PC: variants seen among roughly 807,000 people sequenced by gnomAD.
The protein encoded by PC is pyruvate carboxylase, mitochondrial.
PC carries 46 observed loss-of-function variants against 107.8 expected under a neutral mutation model. The observed-to-expected ratio is 0.43, with a 90% CI of 0.34 to 0.55. PC has a LOEUF of 0.55. PC is among the 20% of genes least tolerant of loss of function. The pLI, the probability that PC is intolerant of heterozygous loss-of-function variation, is 0.04. For synonymous variants in PC, 662 were observed against 684.7 expected, an observed-to-expected ratio of 0.97 and a Z score of 0.52; for missense variants, 1,241 against 1,643.1, an observed-to-expected ratio of 0.76 and a Z score of 4.23.
At chr11:66,936,116 C>T (rs930076468) in intron 3 of PC, among the ~76,000 whole-genome samples, 3 of 149,546 alleles carry the variant, frequency 2.0e-5, no homozygotes, top group African/African-American at 7.4e-5. Context: ...GGTGTGGTGG[C>T]ACATGCCTGT....
chr11:66,939,804 CAAAAAAAAAAAA>C (rs56761659), intron 3 of PC, among the ~76,000 whole-genome samples: 1 of 40,162 alleles, frequency 2.5e-5, no homozygotes, highest in Non-Finnish European at 4.2e-5. Context: ...AACTCCGTCT[CAAAAAAAAAAAA>C]AAAAAAAAAA....
At chr11:66,955,957 G>A (rs1388578885) in intron 1 of PC, among the ~76,000 whole-genome samples, 1 of 152,066 alleles carries the variant, frequency 6.6e-6, no homozygotes, top group Non-Finnish European at 1.5e-5. Context: ...ATTTTTAGCA[G>A]AGAAGGGGTT....
In PC at chr11:66,871,667, A is replaced by T. The variant is rs773157967; in HGVS notation, c.321+20T>A. 3.8e-5 allele frequency: 59 copies of T among 1,563,136 alleles called. No individual in the cohort carries two copies. The highest frequency in any genetic ancestry group is 5.1e-5 in the Non-Finnish European group (59 of 1,153,836). On this transcript the variant is annotated intron_variant, in intron 5 of 22. Coordinates refer to ENST00000393960, the MANE Select transcript of PC (RefSeq NM_001040716.2). The surrounding 1 kb of genome is among the most constrained non-coding windows in gnomAD (Gnocchi z 7.4). Reference sequence around the variant, plus strand: ...TCCCTGGTCCCTGCTGTCCAGGCCCAGCCAGGCCACTGGGCTCACCTTGGC... The same window carrying T: ...TCCCTGGTCCCTGCTGTCCAGGCCCTGCCAGGCCACTGGGCTCACCTTGGC...
chr11:66,848,471 G>C lies in PC; in HGVS notation c.*428C>G. On this transcript the variant is annotated 3_prime_UTR_variant, in exon 23 of 23. Transcript: ENST00000393960. ...CCACCCATGGGGAGCTTGAAAGGCA[G>C]CCCCCCACTGCTGAGTGGTGCAGGC... is the stretch of plus-strand genomic sequence containing the variant. 2 of 540,730 alleles carry C rather than the reference G, an allele frequency of 3.7e-6. No individual in the cohort carries two copies. The highest frequency in any genetic ancestry group is 5.8e-5 in the South Asian group (2 of 34,270). The allele number at this position is 540,730 out of a possible 1,614,324, so 33.5% of individuals were successfully genotyped here.
Position 66,863,779 on chromosome 11 carries a change from C to T in PC, c.1363G>A (p.Val455Met). The T allele has an allele frequency of 3.1e-6, 5 of 1,609,422 alleles. No homozygotes were observed. The highest frequency in any genetic ancestry group is 4.2e-6 in the Non-Finnish European group (5 of 1,178,156). Residue 455 changes from valine (V) to methionine (M), a missense_variant, in exon 12 of 23, where the codon GTG becomes ATG. Around this residue, in one of 2 missense-constraint regions of PC, gnomAD observed 1,143 missense variants for 1,551.9 expected, o/e 0.74. Coordinates refer to ENST00000393960, the MANE Select transcript of PC (RefSeq NM_001040716.2). The stretch of plus-strand genomic sequence containing the variant: ...CGGGGGCTGCAGCCTCTCACCTTCA[C>T]ACCTCGGACGCGGAACTCCGCAAGG... ...RALAEFRVRGVKTNIAFLQNV... is the reference protein window; with the variant it reads ...RALAEFRVRGMKTNIAFLQNV...
At chr11:66,903,148 C>T (rs185215407) in intron 3 of PC, among the ~76,000 whole-genome samples, 6 of 152,302 alleles carry the variant, frequency 3.9e-5, no homozygotes, top group Non-Finnish European at 8.8e-5. Context: ...GAGTCGGGGA[C>T]CTGCGGTGGT....
intron 3 of PC, among the ~76,000 whole-genome samples, chr11:66,939,811 A>G (rs1949082044): frequency 6.7e-6 from 1 of 150,030 alleles, no homozygotes; most frequent in Non-Finnish European, 1.5e-5. Context: ...TCTCAAAAAA[A>G]AAAAAAAAAA....
At position 66,871,157 on chromosome 11, in the gene PC, G is replaced by A. The variant is rs762499593; in HGVS notation, c.528C>T (p.Ser176=). ...VVPGTDAPIT[S]LHEAHEFSNT... ...TGGAGAACTCGTGGGCCTCATGCAG[G>A]GACGTGATGGGGGCATCTGTGCCAG... The change falls in exon 7 of 23, where the codon TCC becomes TCT. Residue 176 remains serine (S), a synonymous_variant. Transcript: ENST00000393960. This position sits in a 1 kb window ranked among gnomAD's most constrained non-coding sequence, Gnocchi z 7.4. The A allele has an allele frequency of 1.2e-6, 2 of 1,613,792 alleles. No individual in the cohort carries two copies. Among genetic ancestry groups the A allele is most frequent in the Admixed American group, 3.3e-5 (2 of 59,994 alleles).
In PC at chr11:66,922,551, C is replaced by CT. The variant is rs1433826260; in HGVS notation, c.-1+29878dup. On this transcript the variant is annotated intron_variant, in intron 3 of 22. Coordinates refer to ENST00000393960, the MANE Select transcript of PC (RefSeq NM_001040716.2). Reference sequence around the variant, plus strand: ...CGAGATCGAAAGAGCAAGACTTTGTCTTAAAAAAAAAAAAAAAAAAAAAAA... The same window carrying CT: ...CGAGATCGAAAGAGCAAGACTTTGTCTTTAAAAAAAAAAAAAAAAAAAAAAA... Among the ~76,000 whole-genome samples the CT allele has an allele frequency of 8.3e-5, 7 of 84,420 alleles. No homozygotes were observed. The South Asian group carries it at 1.2e-3, about 15-fold the overall frequency. The allele number at this position is 84,420 out of a possible 152,430, so 55.4% of individuals were successfully genotyped here.
Position 66,935,480 on chromosome 11 carries a change from C to T in PC, c.-1+16950G>A, listed in dbSNP as rs759557306. ...GACTCCCAGTTGGCCACAAGCCATG[C>T]GACAACAAATGGCTCTTATGATAAA... On this transcript the variant is annotated intron_variant, in intron 3 of 22. Transcript: ENST00000393960. Among the ~76,000 whole-genome samples, 17 of 152,206 alleles carry T rather than the reference C, an allele frequency of 1.1e-4. No homozygotes were observed. The South Asian group carries it at 1.7e-3, about 15-fold the overall frequency.
At chr11:66,903,876 G>A (rs1444006825) in intron 3 of PC, among the ~76,000 whole-genome samples, 7 of 143,440 alleles carry the variant, frequency 4.9e-5, no homozygotes, top group Admixed American at 2.1e-4. Flanking sequence ...CACCCAGGCT[G>A]GAGTACAACG....
chr11:66,939,383 G>GC (rs940560593), intron 3 of PC, among the ~76,000 whole-genome samples: 8 of 49,174 alleles, frequency 1.6e-4, no homozygotes, highest in African/African-American at 4.1e-4. Context: ...GGCATCCATA[G>GC]GGGGGTCTTG....
chr11:66,946,402 G>A (rs1011874748), intron 3 of PC, among the ~76,000 whole-genome samples: 3 of 152,114 alleles, frequency 2.0e-5, no homozygotes, highest in East Asian at 1.9e-4. Context: ...AGACCAAGGC[G>A]GGCAGATCAC....
intron 12 of PC, among the ~76,000 whole-genome samples, chr11:66,863,092 A>C (rs1427932787): frequency 1.3e-5 from 2 of 152,174 alleles, no homozygotes; most frequent in African/African-American, 4.8e-5. Flanking sequence ...CTGTAATCTC[A>C]GCATTTTGGG....
chr11:66,875,446 G>A (rs1247741656), intron 3 of PC, among the ~76,000 whole-genome samples: 4 of 152,090 alleles, frequency 2.6e-5, no homozygotes, highest in African/African-American at 4.8e-5. Context: ...ACAAGAACCT[G>A]GGCAGCATCA....
chr11:66,860,153 G>A (rs1430517357), intron 12 of PC: 2 of 1,549,096 alleles, frequency 1.3e-6, no homozygotes, highest in Middle Eastern at 1.7e-4. Flanking sequence ...GGTGCCGGGG[G>A]GTAGGAGGCA....
intron 3 of PC, among the ~76,000 whole-genome samples, chr11:66,922,582 A>G (rs1217037811): frequency 6.6e-6 from 1 of 150,450 alleles, no homozygotes; most frequent in Non-Finnish European, 1.5e-5. Context: ...AAAAAAAGCA[A>G]TGAGCCTAGC....
intron 3 of PC, among the ~76,000 whole-genome samples, chr11:66,917,345 G>C (rs1261317889): frequency 6.6e-6 from 1 of 152,032 alleles, no homozygotes; most frequent in Non-Finnish European, 1.5e-5. Flanking sequence ...AGTGCTGGGG[G>C]CCCAAACTGT....
At chr11:66,933,462 G>A (rs1326258048) in intron 3 of PC, among the ~76,000 whole-genome samples, 1 of 152,184 alleles carries the variant, frequency 6.6e-6, no homozygotes, top group Non-Finnish European at 1.5e-5. Context: ...CATCCCGAAA[G>A]ATGGTGCCCT....
Sources: allele counts gnomAD v4.1 joint callset (sites outside exome capture counted in the v4.1 genomes callset), GRCh38; gene constraint gnomAD v4.1.1; regional missense constraint gnomAD v4.1.1; non-coding constraint Gnocchi (gnomAD v3.1); transcripts MANE v1.5; gene names NCBI Gene and HGNC (gene_info 2026-07-23, HGNC 2026-07-21).